The following NYAP2 variants were observed in gnomAD, a reference collection of about 807,000 sequenced individuals.
NYAP2 encodes neuronal tyrosine-phosphorylated phosphoinositide-3-kinase adaptor 2, also known as neuronal tyrosine-phosphorylated phosphoinositide-3-kinase adapter 2.
A neutral mutation model predicts 50.4 loss-of-function variants in NYAP2; 23 were observed. The ratio of observed to expected loss-of-function variants is 0.46; its 90% CI spans 0.33 to 0.65. The LOEUF (loss-of-function observed/expected upper bound fraction) is 0.65. Among genes scored for constraint, NYAP2 ranks in the 30% least tolerant of loss-of-function variants. The probability of loss-of-function intolerance (pLI) is 0.02; values close to 1 mark genes in which losing one functional copy is unlikely to be tolerated. For missense variants in NYAP2, 885 were observed against 861.0 expected, an observed-to-expected ratio of 1.03 and a Z score of -0.35; for synonymous variants, 394 against 365.2, an observed-to-expected ratio of 1.08 and a Z score of -0.90.
chr2:225,617,637 A>AT (rs972942489), intron 5 of NYAP2, among the ~76,000 whole-genome samples: 2 of 152,262 alleles, frequency 1.3e-5, no homozygotes, highest in East Asian at 1.9e-4. Context: ...AATAAAACTC[A>AT]TTTTTCCAGG....
chr2:225,574,009 C>T (rs1692125388), intron 4 of NYAP2, among the ~76,000 whole-genome samples: 1 of 152,134 alleles, frequency 6.6e-6, no homozygotes, highest in Admixed American at 6.5e-5. Flanking sequence ...CGAAATTTGC[C>T]TTCCAGCCAC....
intron 2 of NYAP2, among the ~76,000 whole-genome samples, chr2:225,403,144 T>C (rs969221462): frequency 4.6e-5 from 7 of 151,956 alleles, no homozygotes; most frequent in Admixed American, 3.3e-4. Flanking sequence ...GAAACTTTTA[T>C]TGGATCAATA....
intron 3 of NYAP2, among the ~76,000 whole-genome samples, chr2:225,476,021 T>A (rs1447005752): frequency 6.6e-6 from 1 of 152,208 alleles, no homozygotes; most frequent in Non-Finnish European, 1.5e-5. Context: ...TAAATGGTGG[T>A]GCTGCAGAGC....
the NYAP2 span, among the ~76,000 whole-genome samples, chr2:225,683,696 T>C: frequency 6.6e-6 from 1 of 152,058 alleles, no homozygotes; most frequent in Non-Finnish European, 1.5e-5. Flanking sequence ...AGGTGTCTTT[T>C]TTGGCAATGG....
At chr2:225,532,662 A>ATT (rs1691277647) in intron 4 of NYAP2, among the ~76,000 whole-genome samples, 1 of 152,174 alleles carries the variant, frequency 6.6e-6, no homozygotes, top group South Asian at 2.1e-4. Flanking sequence ...TCTTTCTTTA[A>ATT]TTTTTAAACT....
At chr2:225,656,526 TTC>T (rs968219022), downstream of NYAP2, among the ~76,000 whole-genome samples, 36 of 152,136 alleles carry the variant, frequency 2.4e-4, no homozygotes, top group African/African-American at 6.3e-4. Flanking sequence ...CAGATGCAGG[TTC>T]TCTCTTTCCA....
chr2:225,403,066 CA>C (rs1694889549), intron 2 of NYAP2, among the ~76,000 whole-genome samples: 1 of 151,796 alleles, frequency 6.6e-6, no homozygotes, highest in Non-Finnish European at 1.5e-5. Flanking sequence ...TGAGTACATG[CA>C]AAAGTTGTAA....
chr2:225,532,807 G>A (rs1691280756), intron 4 of NYAP2, among the ~76,000 whole-genome samples: 1 of 152,134 alleles, frequency 6.6e-6, no homozygotes, highest in Non-Finnish European at 1.5e-5. Flanking sequence ...TGTATACATA[G>A]CACCACCCAC....
At chr2:225,670,420 T>G in the NYAP2 span, among the ~76,000 whole-genome samples, 3 of 151,998 alleles carry the variant, frequency 2.0e-5, no homozygotes, top group African/African-American at 7.2e-5. Flanking sequence ...TGGTTCTGCC[T>G]AAGAGAAAGG....
At chr2:225,425,781 A>AT (rs758374068) in intron 3 of NYAP2, among the ~76,000 whole-genome samples, 13 of 152,216 alleles carry the variant, frequency 8.5e-5, no homozygotes, top group Non-Finnish European at 1.6e-4. Flanking sequence ...ATTATAATAG[A>AT]TTTTAGCAGG....
chr2:225,461,229 G>C (rs1318704212), intron 3 of NYAP2, among the ~76,000 whole-genome samples: 1 of 152,132 alleles, frequency 6.6e-6, no homozygotes. Flanking sequence ...GCCCAGAAAA[G>C]CCTGTGCCAA....
chr2:225,519,251 TTTTTTTA>T (rs1259188910), intron 4 of NYAP2, among the ~76,000 whole-genome samples: 31 of 151,654 alleles, frequency 2.0e-4, no homozygotes, highest in South Asian at 6.2e-4. Flanking sequence ...GAATATTTTA[TTTTTTTA>T]TTTTTTATTT....
chr2:225,456,170 G>T (rs753654213), intron 3 of NYAP2, among the ~76,000 whole-genome samples: 3 of 152,208 alleles, frequency 2.0e-5, no homozygotes, highest in Non-Finnish European at 4.4e-5. Flanking sequence ...AATGGGCTTA[G>T]CCTGCTCTTT....
intron 3 of NYAP2, among the ~76,000 whole-genome samples, chr2:225,473,149 T>C (rs1690040077): frequency 6.6e-6 from 1 of 152,166 alleles, no homozygotes; most frequent in African/African-American, 2.4e-5. Context: ...CATCGTTTTT[T>C]ATGGCTGCAT....
chr2:225,565,453 T>C (rs2106218371), intron 4 of NYAP2, among the ~76,000 whole-genome samples: 1 of 152,330 alleles, frequency 6.6e-6, no homozygotes, highest in Non-Finnish European at 1.5e-5. Context: ...CATAGTTCAA[T>C]GAACATAGAA....
rs559068684 is a variant in NYAP2, at chr2:225,650,884, G to C, written c.1829-548G>C. On this transcript the variant is annotated intron_variant, in intron 6 of 6. Transcript: ENST00000636099. Reference sequence around the variant, plus strand: ...CAAATTAGAGAAGAGGTAGGAGAAAGCTTTTTAAGTTGGAAAAATAATATT... The same window carrying C: ...CAAATTAGAGAAGAGGTAGGAGAAACCTTTTTAAGTTGGAAAAATAATATT... Among the ~76,000 whole-genome samples the C allele has an allele frequency of 3.3e-5, 5 of 152,290 alleles. No homozygotes were observed. The South Asian group carries it at 1.0e-3, about 32-fold the overall frequency.
intron 4 of NYAP2, among the ~76,000 whole-genome samples, chr2:225,554,510 A>G (rs1691739606): frequency 6.6e-6 from 1 of 151,954 alleles, no homozygotes; most frequent in Non-Finnish European, 1.5e-5. Context: ...CTTTTAGTAG[A>G]GACAGGTTTT....
chr2:225,542,056 C>T (rs1230114697), intron 4 of NYAP2, among the ~76,000 whole-genome samples: 1 of 151,990 alleles, frequency 6.6e-6, no homozygotes, highest in Non-Finnish European at 1.5e-5. Flanking sequence ...AATAGGATTA[C>T]TTTCTTATTT....
the NYAP2 span, among the ~76,000 whole-genome samples, chr2:225,675,690 C>T: frequency 6.6e-6 from 1 of 152,042 alleles, no homozygotes; most frequent in Non-Finnish European, 1.5e-5. Flanking sequence ...AGTTGGTACT[C>T]CTATTATAAG....
Sources: gnomAD v4.1 joint callset for allele counts (sites outside exome capture counted in the v4.1 genomes callset) on GRCh38, gnomAD v4.1.1 for gene constraint, MANE v1.5 for transcripts, NCBI Gene and HGNC (gene_info 2026-07-23, HGNC 2026-07-21) for gene names.